The following MAT2A variants were observed in gnomAD, a reference collection of about 807,000 sequenced individuals.
MAT2A encodes the protein methionine adenosyltransferase 2A.
A neutral mutation model predicts 43.9 loss-of-function variants in MAT2A; 3 were observed. That is an observed-to-expected ratio of 0.07 (90% confidence interval 0.03 to 0.18). The LOEUF is 0.18. Ranked by LOEUF, MAT2A falls within the 10% of genes least tolerant of loss-of-function variation. The pLI, the probability that MAT2A is intolerant of heterozygous loss-of-function variation, is 1.00. For missense variants in MAT2A, 204 were observed against 489.0 expected, an observed-to-expected ratio of 0.42 and a Z score of 5.50; for synonymous variants, 200 against 168.4, an observed-to-expected ratio of 1.19 and a Z score of -1.45.
rs758479583 is a variant in MAT2A, at chr2:85,541,979, G to A, written c.549+7G>A. 6.2e-7 allele frequency: 1 copy of A among 1,610,706 alleles called. No homozygotes were observed. The highest frequency in any genetic ancestry group is 1.1e-5 in the South Asian group (1 of 90,926). Reference sequence around the variant, plus strand: ...CCCTGATTCTAAAACTCAAGTAAGTGATGATCATAAAGCTTGGTTGTCTCA... The same window carrying A: ...CCCTGATTCTAAAACTCAAGTAAGTAATGATCATAAAGCTTGGTTGTCTCA... On this transcript the variant is annotated splice_region_variant and intron_variant, in intron 5 of 8. Transcript: ENST00000306434.
rs1019819434 is a variant in MAT2A, at chr2:85,539,195, G to A, written c.-93G>A. 5.3e-5 allele frequency: 48 copies of A among 902,796 alleles called. 1 individual carries two copies. In the East Asian group the frequency reaches 6.8e-4, roughly 13 times the overall value. 55.9% of individuals were successfully genotyped at this position (902,796 alleles called of 1,614,324 possible). A position where few individuals can be genotyped will look rare whatever the true frequency, so the allele number is the denominator to read the frequency against. On this transcript the variant is annotated 5_prime_UTR_variant, in exon 1 of 9. Coordinates refer to ENST00000306434, the MANE Select transcript of MAT2A (RefSeq NM_005911.6). ...TCGCTCCGCGCCGCCCGCCTGCTAC[G>A]AGTAGAACGCTGTCCGCAGCTTGCG... is the stretch of plus-strand genomic sequence containing the variant.
At chr2:85,542,850 G>T (rs377461229) in intron 7 of MAT2A, 51 bp from the exon 8 acceptor site, 42 of 1,592,940 alleles carry the variant, frequency 2.6e-5, no homozygotes, top group Middle Eastern at 1.8e-4. Context: ...TATTATACAA[G>T]TATATGGGTC....
At position 85,542,814 on chromosome 2, in the gene MAT2A, A is replaced by C. The variant is rs774751148; in HGVS notation, c.951+67A>C. The C allele has an allele frequency of 6.1e-5, 95 of 1,553,346 alleles. 1 individual carries two copies. The highest frequency in any genetic ancestry group is 7.8e-5 in the Non-Finnish European group (89 of 1,139,002). ...GTGGGAGGGTATTTAGTAGTAATCT[A>C]CTTAACTACTTGTTTTATACCAACG... On this transcript the variant is annotated intron_variant, in intron 7 of 8. Transcript: ENST00000306434.
intron 1 of MAT2A, 119 bp from the exon 2 acceptor site, chr2:85,540,964 A>G: frequency 1.5e-6 from 1 of 672,570 alleles, no homozygotes; most frequent in Non-Finnish European, 2.6e-6. Context: ...AGATGTATTA[A>G]GCATGTTTTT....
At chr2:85,539,441 G>C (rs1321802282) in intron 1 of MAT2A, 63 bp downstream of exon 1, 3 of 1,354,746 alleles carry the variant, frequency 2.2e-6, no homozygotes, top group Admixed American at 2.5e-5. Flanking sequence ...GGTCCGGCTG[G>C]CTGCGGCCGG....
rs1391824969 is a variant in MAT2A, at chr2:85,541,129, T to C, written c.138T>C (p.Leu46=). ...GTGATGCTGTCCTTGATGCCCACCT[T>C]CAGCAGGATCCTGATGCCAAAGTAG... ...QISDAVLDAH[L]QQDPDAKVAC... is the part of the protein sequence containing the mutation. The change falls in exon 2 of 9, where the codon CTT becomes CTC. Residue 46 remains leucine, a synonymous_variant. Transcript: ENST00000306434. 1 of 1,613,704 alleles carries C rather than the reference T, an allele frequency of 6.2e-7. No homozygotes were observed. Among genetic ancestry groups the C allele is most frequent in the East Asian group, 2.2e-5 (1 of 44,882 alleles).
In MAT2A at chr2:85,544,103, C is replaced by G. The variant is rs996646224; in HGVS notation, c.*331C>G. On this transcript the variant is annotated 3_prime_UTR_variant, in exon 9 of 9. Coordinates refer to ENST00000306434, the MANE Select transcript of MAT2A (RefSeq NM_005911.6). The stretch of plus-strand genomic sequence containing the variant: ...ACCCAACGCTCCAAAGTCATAATTG[C>G]ATTGACTTTCCCCACCAGATGCTGA... 5.5e-6 allele frequency: 1 copy of G among 182,326 alleles called. No homozygotes were observed. The highest frequency in any genetic ancestry group is 1.2e-5 in the Non-Finnish European group (1 of 86,904). The allele number at this position is 182,326 out of a possible 1,614,324, so 11.3% of individuals were successfully genotyped here.
rs1363731984 is a variant in MAT2A at position 85,544,950 on chromosome 2, T to C, written c.*1178T>C. On this transcript the variant is annotated 3_prime_UTR_variant, in exon 9 of 9. Coordinates refer to ENST00000306434, the MANE Select transcript of MAT2A (RefSeq NM_005911.6). ...CAGCTTTTAAAAGATTTTTTTTTTT[T>C]CTCTCAACACCATGATTCCTTTAAC... 5 of 152,508 alleles carry C rather than the reference T, an allele frequency of 3.3e-5. No homozygotes were observed. The highest frequency in any genetic ancestry group is 5.9e-5 in the Non-Finnish European group (4 of 68,016). 9.4% of individuals were successfully genotyped at this position (152,508 alleles called of 1,614,324 possible). A position where few individuals can be genotyped will look rare whatever the true frequency, so the allele number is the denominator to read the frequency against.
intron 3 of MAT2A, 74 bp downstream of exon 3, chr2:85,541,451 C>G: frequency 6.5e-7 from 1 of 1,542,084 alleles, no homozygotes. Context: ...TAGAATGTTC[C>G]TGCTAATCCT....
intron 8 of MAT2A, 33 bp from the exon 9 acceptor site, chr2:85,543,637 C>T (rs755620282): frequency 8.0e-7 from 1 of 1,250,100 alleles, no homozygotes; most frequent in Admixed American, 1.9e-5. Context: ...TAATTTAATG[C>T]TACATATTAA....
In MAT2A at chr2:85,539,246, C is replaced by T. The variant is rs757325418; in HGVS notation, c.-42C>T. 4 of 1,441,054 alleles carry T rather than the reference C, an allele frequency of 2.8e-6. No homozygotes were observed. Among genetic ancestry groups the T allele is most frequent in the Non-Finnish European group, 3.9e-6 (4 of 1,038,344 alleles). 89.3% of individuals were successfully genotyped at this position (1,441,054 alleles called of 1,614,324 possible). A position where few individuals can be genotyped will look rare whatever the true frequency, so the allele number is the denominator to read the frequency against. Reference sequence around the variant, plus strand: ...CATTTCGCAGCCGCTGCCGCCTCGCCGCTGCTCCTTCGTAAGGCCACTTCC... The same window carrying T: ...CATTTCGCAGCCGCTGCCGCCTCGCTGCTGCTCCTTCGTAAGGCCACTTCC... On this transcript the variant is annotated 5_prime_UTR_variant, in exon 1 of 9. Coordinates refer to ENST00000306434, the MANE Select transcript of MAT2A (RefSeq NM_005911.6).
In MAT2A at chr2:85,543,049, G is replaced by C. The variant is rs553633951; in HGVS notation, c.1085+15G>C. The C allele has an allele frequency of 6.2e-7, 1 of 1,610,380 alleles. No homozygotes were observed. Among genetic ancestry groups the C allele is most frequent in the East Asian group, 2.2e-5 (1 of 44,882 alleles). On this transcript the variant is annotated intron_variant, in intron 8 of 8. Transcript: ENST00000306434. ...GTCATTGTCAGGTAAAGATGGTAAA[G>C]CCTGTTGCTAGTCAAGTATTGAGGG...
chr2:85,543,521 C>T (rs540811745), intron 8 of MAT2A, 149 bp from the exon 9 acceptor site: 55 of 605,388 alleles, frequency 9.1e-5, no homozygotes, highest in Admixed American at 5.5e-4. Context: ...AGTTTGGACA[C>T]CAGGGAAGTA....
rs1691484693 is a variant in MAT2A, at chr2:85,541,897, C to T, written c.474C>T (p.His158=). 6.2e-7 allele frequency: 1 copy of T among 1,614,240 alleles called. No individual in the cohort carries two copies. Among genetic ancestry groups the T allele is most frequent in the Non-Finnish European group, 8.5e-7 (1 of 1,180,018 alleles). The stretch of plus-strand genomic sequence containing the variant: ...TGCCTTTAACCATTGTCTTGGCACA[C>T]AAGCTAAATGCCAAACTGGCAGAAC... The part of the protein sequence containing the change: ...ECMPLTIVLA[H]KLNAKLAELR... The change falls in exon 5 of 9, where the codon CAC becomes CAT. Residue 158 remains histidine (H), a synonymous_variant. Coordinates refer to ENST00000306434, the MANE Select transcript of MAT2A (RefSeq NM_005911.6).
Position 85,541,630 on chromosome 2 carries a change from T to A in MAT2A, c.293-3T>A. The A allele has an allele frequency of 3.1e-6, 5 of 1,590,300 alleles. No homozygotes were observed. Among genetic ancestry groups the A allele is most frequent in the Non-Finnish European group, 4.3e-6 (5 of 1,170,558 alleles). On this transcript the variant is annotated splice_region_variant and splice_polypyrimidine_tract_variant and intron_variant, in intron 3 of 8. Transcript: ENST00000306434. ...AACAAGATGTTGTGTTTTTTGCTTA[T>A]AGGTTTTGACTACAAGACTTGTAAC...
rs546694561 is a variant in MAT2A, at chr2:85,544,163, A to G, written c.*391A>G. The G allele has an allele frequency of 3.1e-5, 5 of 159,816 alleles. No individual in the cohort carries two copies. The East Asian group carries it at 7.4e-4, about 24-fold the overall frequency. The allele number at this position is 159,816 out of a possible 1,614,324, so 9.9% of individuals were successfully genotyped here. Reference sequence around the variant, plus strand: ...TGTGATGTGCACGTAAAGTACTTGTAGTTCCACTTATAGCCTCTGTCTGGC... The same window carrying G: ...TGTGATGTGCACGTAAAGTACTTGTGGTTCCACTTATAGCCTCTGTCTGGC... On this transcript the variant is annotated 3_prime_UTR_variant, in exon 9 of 9. Transcript: ENST00000306434.
rs1217214080 is a variant in MAT2A at position 85,539,171 on chromosome 2, C to A, written c.-117C>A. 4.1e-6 allele frequency: 3 copies of A among 740,188 alleles called. No individual in the cohort carries two copies. The South Asian group carries it at 5.3e-5, about 13-fold the overall frequency. 45.9% of individuals were successfully genotyped at this position (740,188 alleles called of 1,614,324 possible). On this transcript the variant is annotated 5_prime_UTR_variant, in exon 1 of 9. Transcript: ENST00000306434. The stretch of plus-strand genomic sequence containing the variant: ...GGGCCGCACCGCCCGCTGCTTCGTT[C>A]GCTCCGCGCCGCCCGCCTGCTACGA...
Position 85,541,652 on chromosome 2 carries a change from T to C in MAT2A, c.312T>C (p.Cys104=). The C allele has an allele frequency of 6.2e-7, 1 of 1,610,040 alleles. No homozygotes were observed. Among genetic ancestry groups the C allele is most frequent in the Non-Finnish European group, 8.5e-7 (1 of 1,178,852 alleles). The change falls in exon 4 of 9, where the codon TGT becomes TGC. Residue 104 remains cysteine (C), a synonymous_variant. Transcript: ENST00000306434. ...DSSKGFDYKT[C]NVLVALEQQS... is the part of the protein sequence containing the mutation. ...TTATAGGTTTTGACTACAAGACTTGTAACGTGCTGGTAGCCTTGGAGCAAC... is the reference window on the plus strand; with the variant it reads ...TTATAGGTTTTGACTACAAGACTTGCAACGTGCTGGTAGCCTTGGAGCAAC...
In MAT2A at chr2:85,539,571, C is replaced by T. The variant is rs568446909; in HGVS notation, c.91+193C>T. 87 of 472,468 alleles carry T rather than the reference C, an allele frequency of 1.8e-4. 1 individual carries two copies. The Admixed American group carries it at 2.6e-3, about 14-fold the overall frequency. The allele number at this position is 472,468 out of a possible 1,614,324, so 29.3% of individuals were successfully genotyped here. A position where few individuals can be genotyped will look rare whatever the true frequency, so the allele number is the denominator to read the frequency against. On this transcript the variant is annotated intron_variant, in intron 1 of 8. Transcript: ENST00000306434. ...CGTGGCCGCCGCTCCTCTTCCCCCTCCCCTCTCCACCCTTCCCTTCCCCCC... is the reference window on the plus strand; with the variant it reads ...CGTGGCCGCCGCTCCTCTTCCCCCTTCCCTCTCCACCCTTCCCTTCCCCCC...
Sources: allele counts gnomAD v4.1 joint callset, GRCh38; gene constraint gnomAD v4.1.1; transcripts MANE v1.5; gene names NCBI Gene and HGNC (gene_info 2026-07-23, HGNC 2026-07-21).